The following PLCG2 variants were observed in gnomAD, a reference collection of about 807,000 sequenced individuals.
The protein encoded by PLCG2 is phospholipase C gamma 2.
PLCG2 carries 69 observed loss-of-function variants against 175.6 expected under a neutral mutation model. That is an observed-to-expected ratio of 0.39 (90% confidence interval 0.32 to 0.48). PLCG2 has a LOEUF of 0.48. Ranked by LOEUF, PLCG2 falls within the 20% of genes least tolerant of loss-of-function variation. PLCG2 has a pLI of 0.91. For missense variants in PLCG2, 1,798 were observed against 1,650.9 expected (o/e 1.09, Z -1.54); for synonymous variants, 827 against 624.0 (o/e 1.33, Z -4.85).
rs561802176 is a variant in PLCG2, at chr16:81,893,898, A to G, written c.1072+104A>G. 6.7e-5 allele frequency: 46 copies of G among 682,920 alleles called. No individual in the cohort carries two copies. In the East Asian group the frequency reaches 1.2e-3, roughly 18 times the overall value. 42.3% of individuals were successfully genotyped at this position (682,920 alleles called of 1,614,324 possible). A position where few individuals can be genotyped will look rare whatever the true frequency, so the allele number is the denominator to read the frequency against. ...GAATTGTAAAAAGGTTTTAATGGAC[A>G]CATAATAACTGTGCATATTTATGGA... On this transcript the variant is annotated intron_variant, in intron 12 of 32. Coordinates refer to ENST00000564138, the MANE Select transcript of PLCG2 (RefSeq NM_002661.5).
intron 2 of PLCG2, among the ~76,000 whole-genome samples, chr16:81,834,178 G>A (rs977685916): frequency 1.4e-4 from 21 of 152,180 alleles, no homozygotes; most frequent in Non-Finnish European, 2.8e-4. Context: ...TCTGGAAAAT[G>A]GGGCTTTCTT....
At position 81,931,627 on chromosome 16, in the gene PLCG2, A is replaced by C. The variant is rs756154836; in HGVS notation, c.2712A>C (p.Arg904=). Residue 904 remains arginine, a synonymous_variant, in exon 25 of 33, where the codon CGA becomes CGC. Coordinates refer to ENST00000564138, the MANE Select transcript of PLCG2 (RefSeq NM_002661.5). ...TCTTTGAGTGGTTTCAGAGCATCCG[A>C]GAGATCACCTGGAAGATTGACACCA... ...EELFEWFQSI[R]EITWKIDTKE... 1.2e-6 allele frequency: 2 copies of C among 1,613,824 alleles called. No homozygotes were observed. Among genetic ancestry groups the C allele is most frequent in the Non-Finnish European group, 1.7e-6 (2 of 1,179,920 alleles).
intron 4 of PLCG2, among the ~76,000 whole-genome samples, 162 bp from the exon 5 acceptor site, chr16:81,858,954 A>G (rs933768985): frequency 1.1e-4 from 16 of 152,176 alleles, no homozygotes; most frequent in African/African-American, 3.1e-4. Context: ...CCTTTTCCAC[A>G]CTAGGAGGAA....
chr16:81,886,130 C>G (rs1227431310), intron 9 of PLCG2, among the ~76,000 whole-genome samples: 1 of 152,136 alleles, frequency 6.6e-6, no homozygotes, highest in Non-Finnish European at 1.5e-5. Flanking sequence ...GACAAGTAGC[C>G]TCGCATCCTA....
intron 14 of PLCG2, among the ~76,000 whole-genome samples, chr16:81,904,015 C>T (rs1909260826): frequency 6.6e-6 from 1 of 152,192 alleles, no homozygotes; most frequent in Non-Finnish European, 1.5e-5. Context: ...GACGAATAAC[C>T]TCAGCCCTTG....
At chr16:81,778,028 A>AG (rs1325807074), upstream of PLCG2, among the ~76,000 whole-genome samples, 1 of 63,658 alleles carries the variant, frequency 1.6e-5, no homozygotes, top group Non-Finnish European at 3.0e-5. Context: ...AAAAAAAAAA[A>AG]AAACAAAAAA....
At chr16:81,938,713 G>A in intron 28 of PLCG2, 88 bp from the exon 29 acceptor site, 4 of 729,336 alleles carry the variant, frequency 5.5e-6, no homozygotes, top group Non-Finnish European at 7.1e-6. Flanking sequence ...AACTCATCCA[G>A]TGTCACTCTA....
intron 9 of PLCG2, 28 bp from the exon 10 acceptor site, chr16:81,889,144 G>A (rs760764200): frequency 1.2e-5 from 16 of 1,366,112 alleles, no homozygotes; most frequent in East Asian, 2.3e-5. Context: ...TCACTTTGCT[G>A]ATCTCTCGTT....
At chr16:81,759,864 C>T (rs184003551) in intron 2 of PLCG2, among the ~76,000 whole-genome samples, 9 of 152,330 alleles carry the variant, frequency 5.9e-5, no homozygotes, top group Admixed American at 2.0e-4. Flanking sequence ...TGGTGGCTCA[C>T]GCCTGTAATC....
intron 2 of PLCG2, among the ~76,000 whole-genome samples, chr16:81,851,735 A>G (rs967645126): frequency 6.6e-6 from 1 of 152,184 alleles, no homozygotes; most frequent in Non-Finnish European, 1.5e-5. Context: ...CTGGTCTCGA[A>G]TTCCTGACCT....
chr16:81,872,682 A>C (rs1184205282), intron 7 of PLCG2, among the ~76,000 whole-genome samples: 1 of 152,220 alleles, frequency 6.6e-6, no homozygotes, highest in African/African-American at 2.4e-5. Context: ...AGACTGCAAA[A>C]GAGTTCCCAG....
chr16:81,741,121 C>G (rs1909584418), intron 1 of PLCG2, among the ~76,000 whole-genome samples: 1 of 152,190 alleles, frequency 6.6e-6, no homozygotes, highest in Admixed American at 6.5e-5. Context: ...CCAGGCCCAG[C>G]CTCACACCGA....
intron 2 of PLCG2, among the ~76,000 whole-genome samples, chr16:81,797,881 A>G (rs1352978985): frequency 6.6e-6 from 1 of 151,664 alleles, no homozygotes; most frequent in Non-Finnish European, 1.5e-5. Context: ...CCCAGGCTGA[A>G]GTGCAGCGGC....
chr16:81,854,020 C>A (rs559973672), intron 2 of PLCG2, among the ~76,000 whole-genome samples: 1 of 152,244 alleles, frequency 6.6e-6, no homozygotes. Flanking sequence ...AAAAGGTCAT[C>A]AAGGTCAAGG....
At chr16:81,946,339 A>G (rs1346234731) in intron 31 of PLCG2, 76 bp downstream of exon 31, 2 of 1,016,960 alleles carry the variant, frequency 2.0e-6, no homozygotes, top group African/African-American at 3.1e-5. Flanking sequence ...CGTGAATACA[A>G]TTGGCAGATG....
intron 2 of PLCG2, among the ~76,000 whole-genome samples, chr16:81,766,228 A>G (rs1051700870): frequency 2.2e-4 from 33 of 152,164 alleles, no homozygotes; most frequent in Non-Finnish European, 4.6e-4. Flanking sequence ...AAGTGGGGCC[A>G]TAAACTGTTA....
intron 26 of PLCG2, among the ~76,000 whole-genome samples, chr16:81,934,921 A>G (rs892329966): frequency 6.6e-6 from 1 of 152,172 alleles, no homozygotes; most frequent in African/African-American, 2.4e-5. Context: ...ACAACGGTAC[A>G]GGGGAAACCA....
At position 81,958,087 on chromosome 16, in the gene PLCG2, C is replaced by A; in HGVS notation, c.*89C>A. 1 of 908,944 alleles carries A rather than the reference C, an allele frequency of 1.1e-6. No individual in the cohort carries two copies. The highest frequency in any genetic ancestry group is 1.8e-6 in the Non-Finnish European group (1 of 547,720). The allele number at this position is 908,944 out of a possible 1,614,324, so 56.3% of individuals were successfully genotyped here. A position where few individuals can be genotyped will look rare whatever the true frequency, so the allele number is the denominator to read the frequency against. ...GTGCCCTATTCACACTCTGGGAAGA[C>A]GCTAATCTGTGACATCTTTTCTTCA... On this transcript the variant is annotated 3_prime_UTR_variant, in exon 33 of 33. Transcript: ENST00000564138.
intron 1 of PLCG2, among the ~76,000 whole-genome samples, chr16:81,780,800 G>C (rs925979695): frequency 6.6e-6 from 1 of 152,176 alleles, no homozygotes; most frequent in East Asian, 1.9e-4. Context: ...GCCGAGCTGG[G>C]CTGATCACTT....
Sources: gnomAD v4.1 joint callset for allele counts (sites outside exome capture counted in the v4.1 genomes callset) on GRCh38, gnomAD v4.1.1 for gene constraint, MANE v1.5 for transcripts, NCBI Gene and HGNC (gene_info 2026-07-23, HGNC 2026-07-21) for gene names.